Variants in FAM114A1 observed in about 807,000 individuals in gnomAD.
The protein encoded by FAM114A1 is family with sequence similarity 114 member A1, also known as protein NOXP20.
Under a neutral mutation model 64.3 loss-of-function variants are expected in FAM114A1, and 62 were observed. The observed-to-expected ratio is 0.96, with a 90% confidence interval of 0.79 to 1.19. The LOEUF (loss-of-function observed/expected upper bound fraction) is 1.19. Among genes scored for constraint, FAM114A1 ranks in the 50% most tolerant of loss-of-function variants. The pLI, the probability that FAM114A1 is intolerant of heterozygous loss-of-function variation, is 0.00. For missense variants in FAM114A1, 645 were observed against 676.3 expected (o/e 0.95, Z 0.51); for synonymous variants, 254 against 251.1 (o/e 1.01, Z -0.11).
chr4:38,924,376 G>C (rs915877709), intron 9 of FAM114A1, among the ~76,000 whole-genome samples: 8 of 152,210 alleles, frequency 5.3e-5, no homozygotes, highest in Non-Finnish European at 1.2e-4. Flanking sequence ...GGCATGCAAA[G>C]TAATGAGAAT....
At position 38,944,647 on chromosome 4, in the gene FAM114A1, G is replaced by A. The variant is rs11941; in HGVS notation, c.*1090G>A. ...GAGCTTGCATTACTGCCTGAGCTCT[G>A]CCTCCCGTCAGGTCAGCAGCAGCAT... is the stretch of plus-strand genomic sequence containing the variant. On this transcript the variant is annotated 3_prime_UTR_variant, in exon 15 of 15. Transcript: ENST00000358869. 0.4 allele frequency: 60,053 copies of A among 151,950 alleles called. 12,703 individuals are homozygous for A. The highest frequency in any genetic ancestry group is 0.47 in the Non-Finnish European group (32,231 of 67,980). 9.4% of individuals were successfully genotyped at this position (151,950 alleles called of 1,614,324 possible).
chr4:38,932,476 TC>T (rs1226890698), intron 12 of FAM114A1, 102 bp downstream of exon 12: 1 of 1,229,358 alleles, frequency 8.1e-7, no homozygotes, highest in Admixed American at 3.3e-5. Context: ...ACTAGAAGAT[TC>T]AGGTTTCTTT....
chr4:38,904,952 A>G (rs1717841100), intron 4 of FAM114A1, among the ~76,000 whole-genome samples: 1 of 152,168 alleles, frequency 6.6e-6, no homozygotes, highest in African/African-American at 2.4e-5. Flanking sequence ...CGTGTATCTC[A>G]TTTGCACGTC....
In FAM114A1 at chr4:38,878,357, A is replaced by G. The variant is rs150055021; in HGVS notation, c.279A>G (p.Glu93=). 6.2e-7 allele frequency: 1 copy of G among 1,613,886 alleles called. No homozygotes were observed. Among genetic ancestry groups the G allele is most frequent in the South Asian group, 1.1e-5 (1 of 91,054 alleles). ...ACGTGACTGAGGATACACTTGCTGA[A>G]TGTATTGATTCCGTCAGCCTTGAGG... The part of the protein sequence containing the change: ...NGDVTEDTLA[E]CIDSVSLEAE... Residue 93 remains glutamate (E), a synonymous_variant, in exon 3 of 15, where the codon GAA becomes GAG. Transcript: ENST00000358869.
intron 3 of FAM114A1, among the ~76,000 whole-genome samples, chr4:38,882,289 G>A (rs926048181): frequency 2.9e-4 from 37 of 125,790 alleles, no homozygotes; most frequent in African/African-American, 1.0e-3. Flanking sequence ...TCCGCAGTCC[G>A]GCCTGGGCGA....
chr4:38,939,601 A>C (rs1226945921), intron 13 of FAM114A1, among the ~76,000 whole-genome samples: 1 of 152,242 alleles, frequency 6.6e-6, no homozygotes, highest in East Asian at 1.9e-4. Context: ...AGGCTCCATC[A>C]TGATTTCCCC....
intron 4 of FAM114A1, among the ~76,000 whole-genome samples, chr4:38,901,653 A>G (rs1359433984): frequency 2.0e-5 from 3 of 152,190 alleles, no homozygotes; most frequent in Non-Finnish European, 4.4e-5. Context: ...CAGTTATTTC[A>G]TCTTTCCAGA....
intron 2 of FAM114A1, 28 bp from the exon 3 acceptor site, chr4:38,878,043 C>G (rs773633907): frequency 1.4e-5 from 21 of 1,519,850 alleles, no homozygotes; most frequent in African/African-American, 2.8e-5. Context: ...TCGATGAAAG[C>G]ATGAGGTGTT....
At chr4:38,927,439 T>A (rs1720224779) in intron 9 of FAM114A1, among the ~76,000 whole-genome samples, 2 of 152,156 alleles carry the variant, frequency 1.3e-5, no homozygotes, top group South Asian at 4.1e-4. Flanking sequence ...GGGGCCTCTT[T>A]TTTTAGGGCA....
intron 3 of FAM114A1, among the ~76,000 whole-genome samples, chr4:38,880,110 G>GAATAA (rs1441397411): frequency 1.8e-5 from 1 of 55,864 alleles, no homozygotes; most frequent in Non-Finnish European, 3.7e-5. Context: ...AAATAGAGTA[G>GAATAA]AATAGAATAG....
intron 2 of FAM114A1, among the ~76,000 whole-genome samples, chr4:38,873,193 C>T (rs529193001): frequency 6.6e-6 from 1 of 152,346 alleles, no homozygotes; most frequent in East Asian, 1.9e-4. Context: ...GGGAAGTCTG[C>T]ATTCGTTGCC....
At chr4:38,897,314 G>A (rs759288645) in intron 4 of FAM114A1, among the ~76,000 whole-genome samples, 1 of 152,182 alleles carries the variant, frequency 6.6e-6, no homozygotes, top group Non-Finnish European at 1.5e-5. Context: ...ACCATATCCT[G>A]TGTCTATGCA....
At chr4:38,936,965 A>G (rs1721165199) in intron 13 of FAM114A1, among the ~76,000 whole-genome samples, 1 of 152,194 alleles carries the variant, frequency 6.6e-6, no homozygotes, top group African/African-American at 2.4e-5. Flanking sequence ...AAGGCTCAGC[A>G]TTTACTTGGA....
At chr4:38,904,048 A>G (rs748106953) in intron 4 of FAM114A1, among the ~76,000 whole-genome samples, 1 of 152,200 alleles carries the variant, frequency 6.6e-6, no homozygotes, top group Non-Finnish European at 1.5e-5. Flanking sequence ...GGTTATTTTA[A>G]CAGTGCCTTC....
At chr4:38,940,101 G>A (rs1362474233) in intron 13 of FAM114A1, among the ~76,000 whole-genome samples, 1 of 151,950 alleles carries the variant, frequency 6.6e-6, no homozygotes. Flanking sequence ...ATGTTGGCCG[G>A]GCTGGTCTCA....
intron 6 of FAM114A1, among the ~76,000 whole-genome samples, chr4:38,906,168 G>T (rs918778228): frequency 6.6e-6 from 1 of 152,134 alleles, no homozygotes; most frequent in African/African-American, 2.4e-5. Flanking sequence ...AGGGGAGAGA[G>T]AACTCTTTAT....
intron 2 of FAM114A1, 123 bp downstream of exon 2, chr4:38,868,669 A>G (rs1483832552): frequency 6.6e-6 from 1 of 152,206 alleles, no homozygotes; most frequent in East Asian, 1.9e-4. Context: ...ATCATTTCCC[A>G]TCCTAAACAT....
intron 3 of FAM114A1, among the ~76,000 whole-genome samples, chr4:38,889,462 T>G (rs1395478721): frequency 1.3e-5 from 2 of 152,260 alleles, no homozygotes; most frequent in East Asian, 3.8e-4. Flanking sequence ...TAGTTTCTTC[T>G]TATTATTTCT....
rs866361140 is a variant in FAM114A1 at position 38,922,857 on chromosome 4, A to G, written c.1033A>G (p.Lys345Glu). The G allele has an allele frequency of 3.7e-6, 6 of 1,613,186 alleles. No individual in the cohort carries two copies. ...TTCCATTAAAGACATCTTTGCAGCC[A>G]AAGAATTAGAGAATGAAGAAAATCA... The part of the protein sequence containing the change: ...LISIKDIFAA[K>E]ELENEENQEE... The change falls in exon 9 of 15, where the codon AAA (lysine) becomes GAA (glutamate). Residue 345 changes from lysine to glutamate, a missense_variant. Transcript: ENST00000358869.
Sources: allele counts gnomAD v4.1 joint callset (sites outside exome capture counted in the v4.1 genomes callset), GRCh38; gene constraint gnomAD v4.1.1; transcripts MANE v1.5; gene names NCBI Gene and HGNC (gene_info 2026-07-23, HGNC 2026-07-21).